MYOM1: variants seen among roughly 807,000 people sequenced by gnomAD.
The protein encoded by MYOM1 is myomesin-1.
MYOM1 carries 164 observed loss-of-function variants against 205.3 expected under a neutral mutation model. The ratio of observed to expected loss-of-function variants is 0.80; its 90% CI spans 0.70 to 0.91. MYOM1 has a LOEUF of 0.91. Ranked by LOEUF, MYOM1 falls within the 40% of genes least tolerant of loss-of-function variation. The pLI is 0.00. For missense variants in MYOM1, 2,011 were observed against 2,127.3 expected, an observed-to-expected ratio of 0.95 and a Z score of 1.08; for synonymous variants, 772 against 789.4, an observed-to-expected ratio of 0.98 and a Z score of 0.37.
Position 3,219,953 on chromosome 18 carries a change from A to C in MYOM1, c.-179T>G, listed in dbSNP as rs570482801. Reference sequence around the variant, plus strand: ...CTGGGGGCCAGTTCAAAAATAATGCATGTGGTCAGGCAGTCGAATGTCAGG... The same window carrying C: ...CTGGGGGCCAGTTCAAAAATAATGCCTGTGGTCAGGCAGTCGAATGTCAGG... On this transcript the variant is annotated 5_prime_UTR_variant, in exon 1 of 38. It removes an upstream start codon present in the reference 5' UTR. Coordinates refer to ENST00000356443, the MANE Select transcript of MYOM1 (RefSeq NM_003803.4). This position sits in a 1 kb window ranked among gnomAD's most constrained non-coding sequence, Gnocchi z 4.4. 1.3e-5 allele frequency: 2 copies of C among 152,234 alleles called. No homozygotes were observed. The highest frequency in any genetic ancestry group is 2.9e-5 in the Non-Finnish European group (2 of 68,066). The allele number at this position is 152,234 out of a possible 1,614,324, so 9.4% of individuals were successfully genotyped here.
At chr18:3,134,198 T>C (rs182837794) in intron 16 of MYOM1, among the ~76,000 whole-genome samples, 2 of 152,268 alleles carry the variant, frequency 1.3e-5, no homozygotes, top group Admixed American at 6.5e-5. Flanking sequence ...TTCTGTTTTG[T>C]TTTTTAGAGA....
intron 10 of MYOM1, among the ~76,000 whole-genome samples, chr18:3,163,037 A>C (rs1252436984): frequency 6.6e-6 from 1 of 151,984 alleles, no homozygotes; most frequent in Non-Finnish European, 1.5e-5. Flanking sequence ...AAAAAAACAA[A>C]AAAAAACAAA....
At chr18:3,171,982 C>T (rs978351394) in intron 8 of MYOM1, among the ~76,000 whole-genome samples, 2 of 152,170 alleles carry the variant, frequency 1.3e-5, no homozygotes, top group Non-Finnish European at 2.9e-5. Flanking sequence ...CCTATTCTAC[C>T]ACTCTGTGTT....
Position 3,142,001 on chromosome 18 carries a change from C to T in MYOM1, c.1963G>A (p.Val655Met), listed in dbSNP as rs2143941457. The T allele has an allele frequency of 6.2e-7, 1 of 1,613,814 alleles. No individual in the cohort carries two copies. Among genetic ancestry groups the T allele is most frequent in the Non-Finnish European group, 8.5e-7 (1 of 1,179,816 alleles). Residue 655 changes from valine to methionine, a missense_variant, in exon 14 of 38, where the codon GTG becomes ATG. Transcript: ENST00000356443. ...SVTEATRSYV[V>M]LSWKPPGQRG... ...TGGCCAGGGGGCTTCCAGCTGAGCA[C>T]CACATAGCTCCGGGTGGCCTCAGTG...
intron 6 of MYOM1, among the ~76,000 whole-genome samples, chr18:3,175,090 GC>G (rs2080618432): frequency 6.6e-6 from 1 of 152,120 alleles, no homozygotes; most frequent in African/African-American, 2.4e-5. Context: ...TAGAACCCCA[GC>G]AAGGCAAACA....
intron 17 of MYOM1, 84 bp from the exon 18 acceptor site, chr18:3,129,603 C>A: frequency 7.1e-7 from 1 of 1,406,412 alleles, no homozygotes; most frequent in Non-Finnish European, 9.5e-7. Flanking sequence ...AAGAGAAAAA[C>A]ATTAGGACCA....
the MYOM1 span, among the ~76,000 whole-genome samples, chr18:3,235,020 G>C: frequency 1.3e-5 from 2 of 151,590 alleles, no homozygotes; most frequent in Non-Finnish European, 2.9e-5. Context: ...GCCTCCCAAA[G>C]TACTGGGATT....
At chr18:3,215,472 G>C (rs978812574) in intron 1 of MYOM1, among the ~76,000 whole-genome samples, 1 of 152,074 alleles carries the variant, frequency 6.6e-6, no homozygotes, top group African/African-American at 2.4e-5. Flanking sequence ...GGTGTGGTGT[G>C]TGTGTCTGTA....
In MYOM1 at chr18:3,158,229, T is replaced by C. The variant is rs370410408; in HGVS notation, c.1502-3141A>G. Reference sequence around the variant, plus strand: ...AACAAAGTGATTGTACTATATAGTTTCATGTAAGCTGTTTTTTCTTGATAT... The same window carrying C: ...AACAAAGTGATTGTACTATATAGTTCCATGTAAGCTGTTTTTTCTTGATAT... On this transcript the variant is annotated intron_variant, in intron 10 of 37. Coordinates refer to ENST00000356443, the MANE Select transcript of MYOM1 (RefSeq NM_003803.4). 2.6e-3 allele frequency among the ~76,000 whole-genome samples: 393 copies of C among 152,356 alleles called. 2 individuals carry two copies. The South Asian group carries it at 0.027, about 10-fold the overall frequency.
intron 4 of MYOM1, 101 bp from the exon 5 acceptor site, chr18:3,187,738 T>G: frequency 8.4e-7 from 1 of 1,195,262 alleles, no homozygotes; most frequent in Non-Finnish European, 1.1e-6. Context: ...AGTTTTATTT[T>G]TCCATTTGGA....
chr18:3,083,547 G>T (rs1164326616), intron 33 of MYOM1, among the ~76,000 whole-genome samples: 1 of 145,212 alleles, frequency 6.9e-6, no homozygotes, highest in African/African-American at 2.5e-5. Flanking sequence ...TCATGCCTCA[G>T]CCTCCCCAGT....
rs2079943127 is a variant in MYOM1, at chr18:3,135,494, G to C, written c.2209+53C>G. 1 of 1,541,706 alleles carries C rather than the reference G, an allele frequency of 6.5e-7. No homozygotes were observed. Among genetic ancestry groups the C allele is most frequent in the Non-Finnish European group, 8.8e-7 (1 of 1,133,080 alleles). On this transcript the variant is annotated intron_variant, in intron 15 of 37. Transcript: ENST00000356443. The surrounding 1 kb of genome is among the most constrained non-coding windows in gnomAD (Gnocchi z 4.1). ...CTCCTGGCCAAATATACATATACTA[G>C]ATCCTTGCTTTGAAATTTTCTCTTG...
At position 3,154,985 on chromosome 18, in the gene MYOM1, G is replaced by A. The variant is rs547386619; in HGVS notation, c.1605C>T (p.Val535=). The stretch of plus-strand genomic sequence containing the variant: ...ATCCGAGAATAGGACTCCCTCCATC[G>A]ACAGCTGGCTGTTTCCAGGAGATGA... ...YIIISWKQPA[V]DGGSPILGYF... Residue 535 remains valine (V), a synonymous_variant, in exon 11 of 38, where the codon GTC becomes GTT. Transcript: ENST00000356443. The A allele has an allele frequency of 1.1e-5, 18 of 1,612,834 alleles. No individual in the cohort carries two copies. In the South Asian group the frequency reaches 1.5e-4, roughly 14 times the overall value.
rs548611425 is a variant in MYOM1, at chr18:3,135,202, G to C, written c.2209+345C>G. The C allele has an allele frequency of 3.6e-6, 1 of 277,442 alleles. No individual in the cohort carries two copies. Among genetic ancestry groups the C allele is most frequent in the Admixed American group, 4.8e-5 (1 of 20,760 alleles). The allele number at this position is 277,442 out of a possible 1,614,324, so 17.2% of individuals were successfully genotyped here. A position where few individuals can be genotyped will look rare whatever the true frequency, so the allele number is the denominator to read the frequency against. ...TGGACTCAGGTGATCTGCCTGCCTC[G>C]GCCTCCCAAAGTGCTCAGATTACAG... is the stretch of plus-strand genomic sequence containing the variant. On this transcript the variant is annotated intron_variant, in intron 15 of 37. Transcript: ENST00000356443. This position sits in a 1 kb window ranked among gnomAD's most constrained non-coding sequence, Gnocchi z 4.1.
At chr18:3,105,091 C>CAA (rs2079435253) in intron 22 of MYOM1, among the ~76,000 whole-genome samples, 1 of 151,962 alleles carries the variant, frequency 6.6e-6, no homozygotes, top group African/African-American at 2.4e-5. Context: ...TCTAACAAGC[C>CAA]TACTTGGTTG....
intron 20 of MYOM1, among the ~76,000 whole-genome samples, chr18:3,119,441 C>T (rs1186615862): frequency 6.6e-6 from 1 of 152,166 alleles, no homozygotes; most frequent in Non-Finnish European, 1.5e-5. Context: ...TGAGAACCTT[C>T]CCAGCAGCAT....
chr18:3,075,485 G>A lies in MYOM1; in HGVS notation c.4686-9C>T, dbSNP rs767423536. 4 of 1,571,906 alleles carry A rather than the reference G, an allele frequency of 2.5e-6. No homozygotes were observed. Among genetic ancestry groups the A allele is most frequent in the Non-Finnish European group, 3.4e-6 (4 of 1,166,148 alleles). Reference sequence around the variant, plus strand: ...CGGCAATGGCAGCTTGTCTGTGGTTGAGAGAAACGAACAAACAGACGAAGA... The same window carrying A: ...CGGCAATGGCAGCTTGTCTGTGGTTAAGAGAAACGAACAAACAGACGAAGA... On this transcript the variant is annotated splice_polypyrimidine_tract_variant and intron_variant, in intron 35 of 37. Transcript: ENST00000356443.
At chr18:3,136,063 G>C (rs7237241) in intron 14 of MYOM1, among the ~76,000 whole-genome samples, 4 of 152,020 alleles carry the variant, frequency 2.6e-5, no homozygotes, top group East Asian at 1.9e-4. Flanking sequence ...GTGGTAGTGA[G>C]TAAGTCTCAT....
intron 8 of MYOM1, 27 bp downstream of exon 8, chr18:3,173,911 A>C (rs2080595970): frequency 6.3e-7 from 1 of 1,598,664 alleles, no homozygotes. Context: ...TAGAGGTGAC[A>C]CTTAGTAAAT....
Sources: gnomAD v4.1 joint callset for allele counts (sites outside exome capture counted in the v4.1 genomes callset) on GRCh38, gnomAD v4.1.1 for gene constraint, Gnocchi (gnomAD v3.1) non-coding constraint, MANE v1.5 for transcripts, NCBI Gene and HGNC (gene_info 2026-07-23, HGNC 2026-07-21) for gene names.